PHACTR3: variants seen among roughly 807,000 people sequenced by gnomAD.
PHACTR3 encodes the protein protein phosphatase 1, regulatory subunit 123.
A neutral mutation model predicts 66.8 loss-of-function variants in PHACTR3; 16 were observed. The observed-to-expected ratio is 0.24, with a 90% confidence interval of 0.16 to 0.36. The LOEUF is 0.36. Among genes scored for constraint, PHACTR3 ranks in the 10% least tolerant of loss-of-function variants. The pLI, the probability that PHACTR3 is intolerant of heterozygous loss-of-function variation, is 1.00. For missense variants in PHACTR3, 647 were observed against 719.9 expected (o/e 0.90, Z 1.16); for synonymous variants, 323 against 292.1 (o/e 1.11, Z -1.08).
chr20:59,828,741 G>C (rs1273176129), intron 8 of PHACTR3, among the ~76,000 whole-genome samples: 1 of 152,082 alleles, frequency 6.6e-6, no homozygotes, highest in East Asian at 1.9e-4. Flanking sequence ...TGCTGGAGGG[G>C]TCACCGTAAA....
chr20:59,789,549 A>G (rs752840432), intron 7 of PHACTR3, among the ~76,000 whole-genome samples: 8 of 152,366 alleles, frequency 5.3e-5, no homozygotes, highest in Non-Finnish European at 1.2e-4. Flanking sequence ...CAAAACCAAA[A>G]TGGACCTGCA....
intron 1 of PHACTR3, among the ~76,000 whole-genome samples, chr20:59,723,110 CTTTCTTT>C (rs1568747292): frequency 8.1e-6 from 1 of 123,758 alleles, no homozygotes; most frequent in Non-Finnish European, 1.7e-5. Context: ...TTCTTTCTTT[CTTTCTTT>C]CTTCAGCTTT....
At chr20:59,660,438 G>T (rs1484258379) in intron 1 of PHACTR3, among the ~76,000 whole-genome samples, 1 of 152,238 alleles carries the variant, frequency 6.6e-6, no homozygotes, top group Non-Finnish European at 1.5e-5. Context: ...AGCTTGCAGT[G>T]AGCCGAGATT....
At chr20:59,627,986 A>G (rs2034519620) in intron 1 of PHACTR3, 2 of 152,030 alleles carry the variant, frequency 1.3e-5, no homozygotes, top group Admixed American at 6.6e-5. Flanking sequence ...CCATCCATCC[A>G]TCCATCTATC....
intron 7 of PHACTR3, among the ~76,000 whole-genome samples, chr20:59,785,943 C>G (rs1360076748): frequency 6.6e-6 from 1 of 152,112 alleles, no homozygotes; most frequent in Non-Finnish European, 1.5e-5. Context: ...CCTCTGCCTC[C>G]CCTGCATCCC....
chr20:59,845,768 T>C (rs574398204), intron 12 of PHACTR3, among the ~76,000 whole-genome samples: 1 of 152,306 alleles, frequency 6.6e-6, no homozygotes, highest in African/African-American at 2.4e-5. Flanking sequence ...AATGCAATAG[T>C]GAATATGATA....
chr20:59,734,197 C>T (rs1029890817), intron 1 of PHACTR3, among the ~76,000 whole-genome samples: 3 of 152,156 alleles, frequency 2.0e-5, no homozygotes, highest in Non-Finnish European at 4.4e-5. Flanking sequence ...TGCACAGACC[C>T]ACACCAGCAA....
intron 1 of PHACTR3, among the ~76,000 whole-genome samples, chr20:59,710,934 T>C (rs1195119196): frequency 6.6e-6 from 1 of 152,170 alleles, no homozygotes; most frequent in Admixed American, 6.5e-5. Flanking sequence ...AGTCTAAAAG[T>C]ATTGCACACT....
intron 1 of PHACTR3, among the ~76,000 whole-genome samples, chr20:59,630,734 TG>T (rs1477555161): frequency 6.6e-6 from 1 of 151,948 alleles, no homozygotes; most frequent in Non-Finnish European, 1.5e-5. Flanking sequence ...TGCCACTGGG[TG>T]GGGGTCCCTT....
intron 11 of PHACTR3, chr20:59,844,775 G>A (rs979279974): frequency 6.5e-6 from 1 of 153,654 alleles, no homozygotes; most frequent in Admixed American, 6.5e-5. Flanking sequence ...GCAGAGTAGG[G>A]TCACTACAGT....
At chr20:59,739,508 G>A (rs2039074937) in intron 1 of PHACTR3, among the ~76,000 whole-genome samples, 1 of 152,144 alleles carries the variant, frequency 6.6e-6, no homozygotes, top group South Asian at 2.1e-4. Flanking sequence ...GGGGAAGCAA[G>A]GCACCTTCTT....
At chr20:59,743,335 G>T in intron 2 of PHACTR3, 67 bp downstream of exon 2, 1 of 1,573,910 alleles carries the variant, frequency 6.4e-7, no homozygotes, top group Non-Finnish European at 8.7e-7. Context: ...TGGTGCTGCG[G>T]CCCCTGCTGA....
chr20:59,774,334 G>A lies in PHACTR3; in HGVS notation c.1018G>A (p.Glu340Lys). The A allele has an allele frequency of 6.2e-7, 1 of 1,614,224 alleles. No homozygotes were observed. Among genetic ancestry groups the A allele is most frequent in the Non-Finnish European group, 8.5e-7 (1 of 1,180,042 alleles). Residue 340 changes from glutamate to lysine, a missense_variant, in exon 7 of 13, where the codon GAG becomes AAG. Transcript: ENST00000371015. ...CAGCGTGGAGCGGGGCAAGGAGAGG[G>A]AGGAGGCTTGGAGCTTTGACGGGGC... The part of the protein sequence containing the change: ...TSSVERGKER[E>K]EAWSFDGALE...
chr20:59,643,057 G>A (rs151212232), intron 1 of PHACTR3, among the ~76,000 whole-genome samples: 5,161 of 152,146 alleles, frequency 0.034, 270 homozygotes, highest in East Asian at 0.27. Flanking sequence ...GACTACAGGT[G>A]CCCGCCACCA....
chr20:59,608,316 C>T (rs1252453069), intron 1 of PHACTR3, among the ~76,000 whole-genome samples: 1 of 151,996 alleles, frequency 6.6e-6, no homozygotes, highest in East Asian at 1.9e-4. Context: ...TTCACCACTG[C>T]TTCGTTAATG....
intron 1 of PHACTR3, among the ~76,000 whole-genome samples, chr20:59,720,077 C>T (rs1432048082): frequency 6.6e-6 from 1 of 152,218 alleles, no homozygotes; most frequent in African/African-American, 2.4e-5. Flanking sequence ...GCACAGGGAA[C>T]AGGCATCTGT....
chr20:59,779,133 A>C (rs776656255), intron 7 of PHACTR3, among the ~76,000 whole-genome samples: 1 of 152,106 alleles, frequency 6.6e-6, no homozygotes, highest in Non-Finnish European at 1.5e-5. Flanking sequence ...GGTATGTCTG[A>C]GGTGCAACCT....
At chr20:59,785,157 C>T (rs1011074687) in intron 7 of PHACTR3, among the ~76,000 whole-genome samples, 4 of 152,130 alleles carry the variant, frequency 2.6e-5, no homozygotes, top group East Asian at 3.9e-4. Flanking sequence ...AAACGACAGA[C>T]GTTTGTTTTC....
intron 1 of PHACTR3, among the ~76,000 whole-genome samples, chr20:59,711,141 G>A (rs2037901196): frequency 6.6e-6 from 1 of 151,724 alleles, no homozygotes; most frequent in Non-Finnish European, 1.5e-5. Context: ...AAAATTTTTT[G>A]GTATCATTAA....
Sources: gnomAD v4.1 joint callset for allele counts (sites outside exome capture counted in the v4.1 genomes callset) on GRCh38, gnomAD v4.1.1 for gene constraint, MANE v1.5 for transcripts, NCBI Gene and HGNC (gene_info 2026-07-23, HGNC 2026-07-21) for gene names.